SATL1: variants seen among roughly 807,000 people sequenced by gnomAD.
SATL1 encodes the protein spermidine/spermine N(1)-acetyltransferase-like protein 1.
SATL1 carries 47 observed loss-of-function variants against 51.8 expected under a neutral mutation model. The ratio of observed to expected loss-of-function variants is 0.91; its 90% confidence interval spans 0.72 to 1.16. The LOEUF is 1.16. Among genes scored for constraint, SATL1 ranks in the 50% most tolerant of loss-of-function variants. The pLI, the probability that SATL1 is intolerant of heterozygous loss-of-function variation, is 0.00. For synonymous variants in SATL1, 176 were observed against 182.4 expected (o/e 0.97, Z 0.28); for missense variants, 520 against 526.4 (o/e 0.99, Z 0.12).
intron 2 of SATL1, among the ~76,000 whole-genome samples, chrX:85,133,548 C>G (rs1182884204): frequency 8.9e-6 from 1 of 112,340 alleles, no homozygotes; most frequent in East Asian, 2.8e-4. Context: ...TTTCCCAGTA[C>G]AGTCTGTCAC....
intron 1 of SATL1, among the ~76,000 whole-genome samples, chrX:85,227,938 T>TA (rs1343316582): frequency 1.1e-4 from 12 of 111,303 alleles, no homozygotes; most frequent in Non-Finnish European, 1.9e-5. Context: ...ATAAAATACT[T>TA]AGAGTTGTAA....
rs1925131780 is a variant in SATL1, at chrX:85,108,142, A to G, written c.827T>C (p.Met276Thr). The G allele has an allele frequency of 1.7e-6, 2 of 1,211,528 alleles. No individual in the cohort carries two copies. Among genetic ancestry groups the G allele is most frequent in the Non-Finnish European group, 2.2e-6 (2 of 895,442 alleles). Residue 276 changes from methionine (M) to threonine (T), a missense_variant, in exon 3 of 8, where the codon ATG becomes ACG. Met to Thr is a moderately conservative substitution (Grantham distance 81). Coordinates refer to ENST00000644105, the MANE Select transcript of SATL1 (RefSeq NM_001367857.2). ...ATATAGGCTTGCACTCCATTGGTTC[A>G]TGTCCATTTGGTTCATACCAAGTAA... is the stretch of plus-strand genomic sequence containing the variant. ...PSLLGMNQMD[M>T]NQWSASLYEM...
intron 2 of SATL1, among the ~76,000 whole-genome samples, chrX:85,197,470 C>CTTTA (rs767059111): frequency 1.0e-3 from 112 of 108,082 alleles, no homozygotes; most frequent in South Asian, 2.8e-3. Flanking sequence ...AATACTAGAT[C>CTTTA]TTTATTTATT....
chrX:85,109,099 T>C lies in SATL1; in HGVS notation c.-131A>G. ...TGTGCTGTGGTGGGAGGTTGTTGGC[T>C]GTTCCCAGTTCTTCTCAATTTGATT... On this transcript the variant is annotated 5_prime_UTR_variant, in exon 3 of 8. Coordinates refer to ENST00000644105, the MANE Select transcript of SATL1 (RefSeq NM_001367857.2). The C allele has an allele frequency of 1.7e-6, 1 of 602,010 alleles. No individual in the cohort carries two copies. Among genetic ancestry groups the C allele is most frequent in the Non-Finnish European group, 2.5e-6 (1 of 392,607 alleles). 49.6% of individuals were successfully genotyped at this position (602,010 alleles called of 1,213,427 possible). A position where few individuals can be genotyped will look rare whatever the true frequency, so the allele number is the denominator to read the frequency against.
chrX:85,145,899 CTTTT>C (rs34920295), intron 2 of SATL1, among the ~76,000 whole-genome samples: 1 of 96,673 alleles, frequency 1.0e-5, no homozygotes. Context: ...ACAGTATATT[CTTTT>C]TTTTTTTTTT....
chrX:85,102,240 C>A (rs770590519), intron 4 of SATL1, among the ~76,000 whole-genome samples: 68 of 100,936 alleles, frequency 6.7e-4, no homozygotes, highest in African/African-American at 2.4e-3. Context: ...CCCCTCCCCC[C>A]ACCCCACAAC....
chrX:85,148,878 C>G (rs1429260682), intron 2 of SATL1, among the ~76,000 whole-genome samples: 1 of 111,032 alleles, frequency 9.0e-6, no homozygotes, highest in Non-Finnish European at 1.9e-5. Flanking sequence ...ATTGTAAAGG[C>G]CATCGAGACT....
rs777496166 is a variant in SATL1 at position 85,092,531 on chromosome X, G to A, written c.1948C>T (p.His650Tyr). The change falls in exon 8 of 8, where the codon CAC becomes TAC. Residue 650 changes from histidine (H) to tyrosine (Y), a missense_variant. Transcript: ENST00000644105. Reference protein sequence around the residue: ...IAITTQCNCMHFLVVIWNQAS... With the variant: ...IAITTQCNCMYFLVVIWNQAS... The stretch of plus-strand genomic sequence containing the variant: ...TGGTTCCAAATGACGACAAGAAAGT[G>A]CATGCAGTTACATTGAGTTGTGATG... The A allele has an allele frequency of 8.3e-7, 1 of 1,207,891 alleles. No individual in the cohort carries two copies. The highest frequency in any genetic ancestry group is 1.1e-6 in the Non-Finnish European group (1 of 893,688).
intron 1 of SATL1, among the ~76,000 whole-genome samples, chrX:85,226,444 T>C (rs1038130194): frequency 9.0e-6 from 1 of 111,577 alleles, no homozygotes; most frequent in Non-Finnish European, 1.9e-5. Context: ...TTCAAGTCAT[T>C]CAGTCATTTA....
At chrX:85,206,095 T>G (rs1927785479) in intron 2 of SATL1, among the ~76,000 whole-genome samples, 1 of 111,706 alleles carries the variant, frequency 9.0e-6, no homozygotes, top group Non-Finnish European at 1.9e-5. Flanking sequence ...TAAAAAATTT[T>G]GGTTTTGACA....
chrX:85,174,751 T>A lies in SATL1; in HGVS notation c.-313+49454A>T, dbSNP rs1316302356. 3.6e-5 allele frequency among the ~76,000 whole-genome samples: 4 copies of A among 111,729 alleles called. No homozygotes were observed. The Admixed American group carries it at 3.8e-4, about 11-fold the overall frequency. ...TTTCTCTCAACTAATAACATTCCCA[T>A]GATTGCAATAAAAATATAATAGATT... On this transcript the variant is annotated intron_variant, in intron 2 of 7. Transcript: ENST00000644105.
At chrX:85,187,416 A>T (rs1927337116) in intron 2 of SATL1, among the ~76,000 whole-genome samples, 1 of 111,565 alleles carries the variant, frequency 9.0e-6, no homozygotes, top group Admixed American at 9.6e-5. Flanking sequence ...GTTCTTAGAG[A>T]AAAATATTTC....
intron 2 of SATL1, among the ~76,000 whole-genome samples, chrX:85,221,355 G>A (rs1224656964): frequency 8.9e-6 from 1 of 111,891 alleles, no homozygotes; most frequent in African/African-American, 3.3e-5. Flanking sequence ...CTATGAGGTA[G>A]GTACTGTTAT....
At chrX:85,148,505 C>T (rs1045132446) in intron 2 of SATL1, among the ~76,000 whole-genome samples, 2 of 110,171 alleles carry the variant, frequency 1.8e-5, no homozygotes, top group Non-Finnish European at 3.8e-5. Flanking sequence ...CTCCAAGACA[C>T]ATAATTGTCA....
chrX:85,222,968 A>G (rs1928203627), intron 2 of SATL1, among the ~76,000 whole-genome samples: 1 of 112,147 alleles, frequency 8.9e-6, no homozygotes, highest in African/African-American at 3.2e-5. Context: ...ATACACAGTA[A>G]CTTTTCTTTT....
At chrX:85,167,077 A>C (rs1300358438) in intron 2 of SATL1, among the ~76,000 whole-genome samples, 1 of 108,221 alleles carries the variant, frequency 9.2e-6, no homozygotes, top group Non-Finnish European at 1.9e-5. Flanking sequence ...AAAAGGAACA[A>C]AATAATGGCA....
intron 2 of SATL1, among the ~76,000 whole-genome samples, chrX:85,208,252 A>C: frequency 9.0e-6 from 1 of 111,575 alleles, no homozygotes; most frequent in East Asian, 2.8e-4. Context: ...TTATGGCTGC[A>C]TAGTATTCCA....
intron 3 of SATL1, among the ~76,000 whole-genome samples, chrX:85,106,119 G>A (rs1298314792): frequency 2.7e-5 from 3 of 111,878 alleles, no homozygotes; most frequent in Non-Finnish European, 5.6e-5. Context: ...ATTGCCGACC[G>A]AGTGTCAGAT....
intron 2 of SATL1, among the ~76,000 whole-genome samples, chrX:85,126,839 C>G (rs776894111): frequency 2.6e-4 from 27 of 105,534 alleles, no homozygotes; most frequent in African/African-American, 8.6e-4. Flanking sequence ...ACAAGTTTTA[C>G]CCCCCCCACC....
Sources: allele counts gnomAD v4.1 joint callset (sites outside exome capture counted in the v4.1 genomes callset), GRCh38; gene constraint gnomAD v4.1.1; transcripts MANE v1.5; gene names NCBI Gene and HGNC (gene_info 2026-07-23, HGNC 2026-07-21).